Variants in NEK11 observed in about 807,000 individuals in gnomAD.
NEK11 encodes NIMA related kinase 11, also known as serine/threonine-protein kinase Nek11.
NEK11 carries 72 observed loss-of-function variants against 80.7 expected under a neutral mutation model. The ratio of observed to expected loss-of-function variants is 0.89; its 90% CI spans 0.74 to 1.08. NEK11 has a LOEUF of 1.08. NEK11 is among the 50% of genes least tolerant of loss of function. The pLI is 0.00. For synonymous variants in NEK11, 251 were observed against 260.7 expected (o/e 0.96, Z 0.36); for missense variants, 764 against 763.6 (o/e 1.00, Z -0.01).
intron 9 of NEK11, among the ~76,000 whole-genome samples, chr3:131,153,013 G>A (rs1443511348): frequency 6.6e-6 from 1 of 152,152 alleles, no homozygotes; most frequent in Non-Finnish European, 1.5e-5. Context: ...CTCGAACCCA[G>A]GAGGTGGAGG....
chr3:131,091,839 A>G (rs1195066396), intron 4 of NEK11, among the ~76,000 whole-genome samples: 1 of 152,240 alleles, frequency 6.6e-6, no homozygotes, highest in Non-Finnish European at 1.5e-5. Flanking sequence ...AACTAGAAGG[A>G]GTTCGGAGAG....
At position 131,081,663 on chromosome 3, in the gene NEK11, A is replaced by T. The variant is rs926270150; in HGVS notation, c.336+1075A>T. Among the ~76,000 whole-genome samples, 16 of 152,200 alleles carry T rather than the reference A, an allele frequency of 1.1e-4. No individual in the cohort carries two copies. The East Asian group carries it at 3.1e-3, about 29-fold the overall frequency. ...GGTTAGCCAAATGCACCTTGGGAGA[A>T]TTTGGTACTGTTCATACTTTAGGAT... On this transcript the variant is annotated intron_variant, in intron 4 of 17. Coordinates refer to ENST00000383366, the MANE Select transcript of NEK11 (RefSeq NM_024800.5).
At chr3:131,231,255 G>T (rs1301361346) in intron 15 of NEK11, among the ~76,000 whole-genome samples, 6 of 149,006 alleles carry the variant, frequency 4.0e-5, no homozygotes, top group African/African-American at 1.5e-4. Flanking sequence ...AGACTGGAGT[G>T]CAGTGGCATG....
At chr3:131,034,335 C>CTATG (rs1289799224) in intron 3 of NEK11, among the ~76,000 whole-genome samples, 7 of 152,116 alleles carry the variant, frequency 4.6e-5, no homozygotes, top group Admixed American at 2.6e-4. Flanking sequence ...AGTGATCTTA[C>CTATG]TATGCAGAGT....
At chr3:131,029,910 T>C (rs779305672) in intron 3 of NEK11, 32 bp downstream of exon 3, 2 of 1,603,792 alleles carry the variant, frequency 1.2e-6, no homozygotes, top group Non-Finnish European at 1.7e-6. Context: ...GAATCTTGAG[T>C]AGGCTGCTTT....
intron 16 of NEK11, among the ~76,000 whole-genome samples, chr3:131,264,598 C>A (rs1247638106): frequency 6.6e-6 from 1 of 152,136 alleles, no homozygotes; most frequent in African/African-American, 2.4e-5. Flanking sequence ...CAGTACCATG[C>A]TGTTTTGGTT....
intron 16 of NEK11, among the ~76,000 whole-genome samples, chr3:131,273,254 G>C (rs1410395128): frequency 3.3e-5 from 5 of 152,116 alleles, no homozygotes; most frequent in Non-Finnish European, 7.4e-5. Flanking sequence ...TTGTGAGAGA[G>C]GCTTTCTCCT....
intron 14 of NEK11, among the ~76,000 whole-genome samples, chr3:131,212,520 AG>A (rs544924940): frequency 2.7e-5 from 4 of 149,160 alleles, no homozygotes; most frequent in Non-Finnish European, 6.0e-5. Flanking sequence ...CTGTCTTCAA[AG>A]CTCAGTTGGA....
chr3:131,334,183 C>A (rs1413645332), intron 17 of NEK11, among the ~76,000 whole-genome samples: 1 of 152,168 alleles, frequency 6.6e-6, no homozygotes, highest in African/African-American at 2.4e-5. Flanking sequence ...CAGCACCACA[C>A]CACACCTATT....
intron 16 of NEK11, among the ~76,000 whole-genome samples, chr3:131,245,421 A>T (rs2095585337): frequency 6.6e-6 from 1 of 151,768 alleles, no homozygotes; most frequent in African/African-American, 2.4e-5. Context: ...AAGTGCAGGT[A>T]TCTTTTTGAT....
At chr3:131,041,692 AT>A (rs1402545825) in intron 3 of NEK11, among the ~76,000 whole-genome samples, 4 of 152,202 alleles carry the variant, frequency 2.6e-5, no homozygotes, top group Admixed American at 6.5e-5. Context: ...GTTCTGATGG[AT>A]GAAGAGGCAA....
At chr3:131,057,265 A>G (rs551979876) in intron 3 of NEK11, among the ~76,000 whole-genome samples, 23 of 151,694 alleles carry the variant, frequency 1.5e-4, no homozygotes, top group African/African-American at 5.3e-4. Context: ...TATGTGCCAC[A>G]TTTTCTTAAT....
intron 3 of NEK11, among the ~76,000 whole-genome samples, chr3:131,031,773 A>G (rs892656785): frequency 6.6e-6 from 1 of 152,130 alleles, no homozygotes; most frequent in African/African-American, 2.4e-5. Flanking sequence ...GATGGCAGAC[A>G]TGTTTGTGGA....
intron 14 of NEK11, among the ~76,000 whole-genome samples, chr3:131,187,461 A>G (rs941962359): frequency 3.9e-5 from 6 of 152,150 alleles, no homozygotes; most frequent in African/African-American, 9.7e-5. Context: ...AAAAGATTCT[A>G]TTTCCCTCAT....
intron 5 of NEK11, among the ~76,000 whole-genome samples, chr3:131,125,066 C>T (rs970491132): frequency 6.6e-6 from 1 of 152,068 alleles, no homozygotes; most frequent in Non-Finnish European, 1.5e-5. Flanking sequence ...TCTCTCTATT[C>T]TTAGAAACAT....
intron 17 of NEK11, among the ~76,000 whole-genome samples, chr3:131,281,981 G>A (rs955306577): frequency 1.3e-5 from 2 of 152,168 alleles, no homozygotes; most frequent in African/African-American, 4.8e-5. Flanking sequence ...AATTTGGAGT[G>A]GAAGGGAAGA....
At chr3:131,069,909 A>G (rs1463452241) in intron 3 of NEK11, among the ~76,000 whole-genome samples, 1 of 151,890 alleles carries the variant, frequency 6.6e-6, no homozygotes, top group African/African-American at 2.4e-5. Flanking sequence ...GCGCACCAGC[A>G]CGGCACATGT....
At chr3:131,237,326 C>A (rs149877876) in intron 15 of NEK11, among the ~76,000 whole-genome samples, 3 of 152,106 alleles carry the variant, frequency 2.0e-5, no homozygotes, top group East Asian at 1.9e-4. Flanking sequence ...ACAGATGAGA[C>A]CCTGTCTCAA....
At chr3:131,029,400 T>G (rs548929281) in intron 2 of NEK11, among the ~76,000 whole-genome samples, 1 of 152,360 alleles carries the variant, frequency 6.6e-6, no homozygotes, top group Non-Finnish European at 1.5e-5. Context: ...AATTCACTTC[T>G]GCCAAATTTC....
Sources: allele counts gnomAD v4.1 joint callset (sites outside exome capture counted in the v4.1 genomes callset), GRCh38; gene constraint gnomAD v4.1.1; transcripts MANE v1.5; gene names NCBI Gene and HGNC (gene_info 2026-07-23, HGNC 2026-07-21).